UQCRB: variants seen among roughly 807,000 people sequenced by gnomAD.
UQCRB encodes ubiquinol-cytochrome c reductase binding protein.
A neutral mutation model predicts 19.8 loss-of-function variants in UQCRB; 12 were observed. The ratio of observed to expected loss-of-function variants is 0.61; its 90% CI spans 0.39 to 0.98. UQCRB has a LOEUF of 0.98. Ranked by LOEUF, UQCRB falls within the 50% of genes least tolerant of loss-of-function variation. UQCRB has a pLI of 0.00. For synonymous variants in UQCRB, 39 were observed against 42.9 expected, an observed-to-expected ratio of 0.91 and a Z score of 0.35; for missense variants, 142 against 131.8, an observed-to-expected ratio of 1.08 and a Z score of -0.38.
Position 96,227,452 on chromosome 8 carries a change from G to C in UQCRB, c.*3603C>G, listed in dbSNP as rs558455700. 1 of 454,032 alleles carries C rather than the reference G, an allele frequency of 2.2e-6. No homozygotes were observed. The highest frequency in any genetic ancestry group is 1.6e-5 in the South Asian group (1 of 64,476). 28.1% of individuals were successfully genotyped at this position (454,032 alleles called of 1,614,324 possible). The stretch of plus-strand genomic sequence containing the variant: ...ATTTCATGCCTTGTTCTAATAAAGG[G>C]ATTTTCCTTGTTTTCCAAAGAGCAA... On this transcript the variant is annotated 3_prime_UTR_variant, in exon 4 of 4. Coordinates refer to ENST00000287022, the MANE Select transcript of UQCRB (RefSeq NM_006294.5).
At position 96,228,959 on chromosome 8, in the gene UQCRB, C is replaced by A; in HGVS notation, c.*2096G>T. 1 of 454,118 alleles carries A rather than the reference C, an allele frequency of 2.2e-6. No homozygotes were observed. The highest frequency in any genetic ancestry group is 1.6e-5 in the South Asian group (1 of 64,482). 28.1% of individuals were successfully genotyped at this position (454,118 alleles called of 1,614,324 possible). On this transcript the variant is annotated 3_prime_UTR_variant, in exon 4 of 4. Coordinates refer to ENST00000287022, the MANE Select transcript of UQCRB (RefSeq NM_006294.5). ...CGGCTTTTGATAATAGAAAGGCCCTCTCTTTCAAATGAAAGGACTTCACTG... is the reference window on the plus strand; with the variant it reads ...CGGCTTTTGATAATAGAAAGGCCCTATCTTTCAAATGAAAGGACTTCACTG...
rs1809551368 is a variant in UQCRB at position 96,227,468 on chromosome 8, C to T, written c.*3587G>A. On this transcript the variant is annotated 3_prime_UTR_variant, in exon 4 of 4. Coordinates refer to ENST00000287022, the MANE Select transcript of UQCRB (RefSeq NM_006294.5). ...TAATAAAGGGATTTTCCTTGTTTTCCAAAGAGCAACCTGTCTTACTCACTT... is the reference window on the plus strand; with the variant it reads ...TAATAAAGGGATTTTCCTTGTTTTCTAAAGAGCAACCTGTCTTACTCACTT... 2.2e-6 allele frequency: 1 copy of T among 453,940 alleles called. No homozygotes were observed. The highest frequency in any genetic ancestry group is 2.0e-5 in the African/African-American group (1 of 49,980). 28.1% of individuals were successfully genotyped at this position (453,940 alleles called of 1,614,324 possible).
Position 96,227,545 on chromosome 8 carries a change from A to G in UQCRB, c.*3510T>C. 3 of 454,144 alleles carry G rather than the reference A, an allele frequency of 6.6e-6. No individual in the cohort carries two copies. Among genetic ancestry groups the G allele is most frequent in the South Asian group, 4.7e-5 (3 of 64,476 alleles). The allele number at this position is 454,144 out of a possible 1,614,324, so 28.1% of individuals were successfully genotyped here. A position where few individuals can be genotyped will look rare whatever the true frequency, so the allele number is the denominator to read the frequency against. On this transcript the variant is annotated 3_prime_UTR_variant, in exon 4 of 4. Transcript: ENST00000287022. Reference sequence around the variant, plus strand: ...CCTCCTAAAATCCATGCTTCCTCCCATACACCATAAACCCATCTGCTCTTC... The same window carrying G: ...CCTCCTAAAATCCATGCTTCCTCCCGTACACCATAAACCCATCTGCTCTTC...
chr8:96,229,700 TCAAC>T lies in UQCRB; in HGVS notation c.*1351_*1354del, dbSNP rs1310392918. On this transcript the variant is annotated 3_prime_UTR_variant, in exon 4 of 4. Coordinates refer to ENST00000287022, the MANE Select transcript of UQCRB (RefSeq NM_006294.5). Reference sequence around the variant, plus strand: ...CCATTATCAAGTGATCTAGTTGTCTTCAACCATACAAAAGAAAATTGACATGATT... The same window carrying T: ...CCATTATCAAGTGATCTAGTTGTCTTCATACAAAAGAAAATTGACATGATT... 6.7e-6 allele frequency: 3 copies of T among 450,544 alleles called. No individual in the cohort carries two copies. The Admixed American group carries it at 7.1e-5, about 11-fold the overall frequency. 27.9% of individuals were successfully genotyped at this position (450,544 alleles called of 1,614,324 possible).
chr8:96,231,269 C>G (rs1809666413), intron 3 of UQCRB, 137 bp from the exon 4 acceptor site: 1 of 1,574,388 alleles, frequency 6.4e-7, no homozygotes, highest in Admixed American at 1.9e-5. Context: ...AACCTAAGAA[C>G]TATCTGCTTT....
chr8:96,232,038 T>G, intron 2 of UQCRB, 98 bp from the exon 3 acceptor site: 1 of 1,166,554 alleles, frequency 8.6e-7, no homozygotes, highest in South Asian at 1.3e-5. Context: ...TTACAACTTT[T>G]GGTGAACTAT....
chr8:96,231,527 C>T lies in UQCRB; in HGVS notation c.258+247G>A, dbSNP rs1303376467. The T allele has an allele frequency of 4.6e-6, 7 of 1,514,434 alleles. No individual in the cohort carries two copies. In the East Asian group the frequency reaches 1.5e-4, roughly 32 times the overall value. The allele number at this position is 1,514,434 out of a possible 1,614,324, so 93.8% of individuals were successfully genotyped here. On this transcript the variant is annotated intron_variant, in intron 3 of 3. Transcript: ENST00000287022. ...GGAACAGCAAAGACCTGGGAGGCAA[C>T]AGACCTGGATTTTAGTCCTGGCTCT...
chr8:96,228,053 A>G lies in UQCRB; in HGVS notation c.*3002T>C. The G allele has an allele frequency of 2.2e-6, 1 of 454,112 alleles. No individual in the cohort carries two copies. Among genetic ancestry groups the G allele is most frequent in the Middle Eastern group, 6.9e-4 (1 of 1,444 alleles). The allele number at this position is 454,112 out of a possible 1,614,324, so 28.1% of individuals were successfully genotyped here. On this transcript the variant is annotated 3_prime_UTR_variant, in exon 4 of 4. Coordinates refer to ENST00000287022, the MANE Select transcript of UQCRB (RefSeq NM_006294.5). Reference sequence around the variant, plus strand: ...GGGGTCTGAAGGCCCGACATCCCTTACGCTGCTTCCTACATCTTGACAACA... The same window carrying G: ...GGGGTCTGAAGGCCCGACATCCCTTGCGCTGCTTCCTACATCTTGACAACA...
rs1465491544 is a variant in UQCRB at position 96,227,992 on chromosome 8, C to T, written c.*3063G>A. ...GTGCAGGAATGTTATCAAATATTTC[C>T]ATGCAATCTGGAACTAGGACCACAG... On this transcript the variant is annotated 3_prime_UTR_variant, in exon 4 of 4. Transcript: ENST00000287022. 1 of 453,968 alleles carries T rather than the reference C, an allele frequency of 2.2e-6. No individual in the cohort carries two copies. Among genetic ancestry groups the T allele is most frequent in the African/African-American group, 2.0e-5 (1 of 49,984 alleles). 28.1% of individuals were successfully genotyped at this position (453,968 alleles called of 1,614,324 possible). A position where few individuals can be genotyped will look rare whatever the true frequency, so the allele number is the denominator to read the frequency against.
Position 96,224,238 on chromosome 8 carries a change from G to A in UQCRB, c.*6817C>T, listed in dbSNP as rs1333310419. Reference sequence around the variant, plus strand: ...AGGTCAAGGAGAACCAACTTTGATAGAGATAGCAGAGTGGGGAGGGATGGA... The same window carrying A: ...AGGTCAAGGAGAACCAACTTTGATAAAGATAGCAGAGTGGGGAGGGATGGA... On this transcript the variant is annotated 3_prime_UTR_variant, in exon 4 of 4. Transcript: ENST00000287022. Among the ~76,000 whole-genome samples, 3 of 152,184 alleles carry A rather than the reference G, an allele frequency of 2.0e-5. No homozygotes were observed. The highest frequency in any genetic ancestry group is 4.4e-5 in the Non-Finnish European group (3 of 68,030).
chr8:96,225,408 T>G lies in UQCRB; in HGVS notation c.*5647A>C, dbSNP rs1809510064. Reference sequence around the variant, plus strand: ...TGAAAAGCAAATTGGAAGTCCAGTATTGAAAAACTTCAAATATTCATCCCC... The same window carrying G: ...TGAAAAGCAAATTGGAAGTCCAGTAGTGAAAAACTTCAAATATTCATCCCC... On this transcript the variant is annotated 3_prime_UTR_variant, in exon 4 of 4. Coordinates refer to ENST00000287022, the MANE Select transcript of UQCRB (RefSeq NM_006294.5). Among the ~76,000 whole-genome samples the G allele has an allele frequency of 6.6e-6, 1 of 152,178 alleles. No individual in the cohort carries two copies. Among genetic ancestry groups the G allele is most frequent in the Non-Finnish European group, 1.5e-5 (1 of 68,034 alleles).
chr8:96,233,921 T>C (rs1189870473), intron 1 of UQCRB: 1 of 152,684 alleles, frequency 6.5e-6, no homozygotes, highest in Non-Finnish European at 1.5e-5. Context: ...AGGGAATGGA[T>C]ATTGAAAAAG....
Position 96,229,127 on chromosome 8 carries a change from C to T in UQCRB, c.*1928G>A, listed in dbSNP as rs1563535495. The T allele has an allele frequency of 4.4e-6, 2 of 454,058 alleles. No individual in the cohort carries two copies. Among genetic ancestry groups the T allele is most frequent in the South Asian group, 1.6e-5 (1 of 64,476 alleles). The allele number at this position is 454,058 out of a possible 1,614,324, so 28.1% of individuals were successfully genotyped here. A position where few individuals can be genotyped will look rare whatever the true frequency, so the allele number is the denominator to read the frequency against. ...CTAGTGTTCAAAGAACTTTTGCACA[C>T]TTGTTCTCATTTAGAAGAATGAAGT... is the stretch of plus-strand genomic sequence containing the variant. On this transcript the variant is annotated 3_prime_UTR_variant, in exon 4 of 4. Coordinates refer to ENST00000287022, the MANE Select transcript of UQCRB (RefSeq NM_006294.5).
Position 96,231,873 on chromosome 8 carries a change from C to T in UQCRB, c.159G>A (p.Glu53=), listed in dbSNP as rs201818465. 65 of 1,613,970 alleles carry T rather than the reference C, an allele frequency of 4.0e-5. No homozygotes were observed. In the Middle Eastern group the frequency reaches 4.9e-4, roughly 12 times the overall value. The change falls in exon 3 of 4, where the codon GAG becomes GAA. Residue 53 remains glutamate (E), a synonymous_variant. Transcript: ENST00000287022. ...DVKEAIRRLP[E]NLYNDRMFRI... ...GAAACATCCTGTCATTATAAAGGTT[C>T]TCAGGAAGTCTTCTTATGGCTTCTT...
At position 96,226,893 on chromosome 8, in the gene UQCRB, T is replaced by A. The variant is rs1809536277; in HGVS notation, c.*4162A>T. On this transcript the variant is annotated 3_prime_UTR_variant, in exon 4 of 4. Coordinates refer to ENST00000287022, the MANE Select transcript of UQCRB (RefSeq NM_006294.5). ...CATCTATGCTAAAAATTAACCACCGTATAATGATTCAGTTCTTCTTTCTTG... is the reference window on the plus strand; with the variant it reads ...CATCTATGCTAAAAATTAACCACCGAATAATGATTCAGTTCTTCTTTCTTG... 2.2e-6 allele frequency: 1 copy of A among 453,782 alleles called. No homozygotes were observed. Among genetic ancestry groups the A allele is most frequent in the Non-Finnish European group, 4.4e-6 (1 of 226,722 alleles). 28.1% of individuals were successfully genotyped at this position (453,782 alleles called of 1,614,324 possible).
At position 96,229,231 on chromosome 8, in the gene UQCRB, C is replaced by T. The variant is rs1186238593; in HGVS notation, c.*1824G>A. 2.2e-6 allele frequency: 1 copy of T among 454,096 alleles called. No individual in the cohort carries two copies. Among genetic ancestry groups the T allele is most frequent in the Admixed American group, 2.3e-5 (1 of 42,574 alleles). 28.1% of individuals were successfully genotyped at this position (454,096 alleles called of 1,614,324 possible). A position where few individuals can be genotyped will look rare whatever the true frequency, so the allele number is the denominator to read the frequency against. ...AAATCAGAGGTTGCCTTATGTAATA[C>T]CACACTTTACCTTGAGCAGGTGGAT... On this transcript the variant is annotated 3_prime_UTR_variant, in exon 4 of 4. Transcript: ENST00000287022.
chr8:96,235,517 T>A lies in UQCRB; in HGVS notation c.14A>T (p.Gln5Leu), dbSNP rs1313602769. MAGK[Q>L]AVSASGKWLD... is the part of the protein sequence containing the mutation. ...GAAGACCCCCAGTTACTTACCGGCC[T>A]GCTTACCAGCCATTTTGACCAGAAA... The change falls in exon 1 of 4, where the codon CAG becomes CTG. Residue 5 changes from glutamine to leucine, a missense_variant. Gln to Leu is a moderately radical substitution (Grantham distance 113). This residue lies in a region of UQCRB where 132 missense variants were observed against 107.5 expected (regional missense o/e 1.23). Coordinates refer to ENST00000287022, the MANE Select transcript of UQCRB (RefSeq NM_006294.5). 1 of 1,614,246 alleles carries A rather than the reference T, an allele frequency of 6.2e-7. No homozygotes were observed. Among genetic ancestry groups the A allele is most frequent in the Non-Finnish European group, 8.5e-7 (1 of 1,180,038 alleles).
At chr8:96,231,745 A>G (rs1809680464) in intron 3 of UQCRB, 29 bp downstream of exon 3, 17 of 1,613,932 alleles carry the variant, frequency 1.1e-5, no homozygotes, top group Non-Finnish European at 1.4e-5. Flanking sequence ...TTAATGAGCA[A>G]CACTGTCAGG....
rs1369636272 is a variant in UQCRB at position 96,226,555 on chromosome 8, ACTC to A, written c.*4497_*4499del. 1.7e-5 allele frequency: 4 copies of A among 230,474 alleles called. No individual in the cohort carries two copies. The Admixed American group carries it at 2.2e-4, about 12-fold the overall frequency. 14.3% of individuals were successfully genotyped at this position (230,474 alleles called of 1,614,324 possible). On this transcript the variant is annotated 3_prime_UTR_variant, in exon 4 of 4. Transcript: ENST00000287022. ...TGCATAAGAGAAAAATTGTAAGCTG[ACTC>A]CTTTGTAAAACAAATAATTATCTTT... is the stretch of plus-strand genomic sequence containing the variant.
Sources: gnomAD v4.1 joint callset for allele counts (sites outside exome capture counted in the v4.1 genomes callset) on GRCh38, gnomAD v4.1.1 for gene constraint, gnomAD v4.1.1 regional missense constraint, MANE v1.5 for transcripts, NCBI Gene and HGNC (gene_info 2026-07-23, HGNC 2026-07-21) for gene names.